Variants in GABRB1 observed in about 807,000 individuals in gnomAD.
GABRB1 encodes gamma-aminobutyric acid receptor subunit beta-1.
GABRB1 carries 17 observed loss-of-function variants against 51.6 expected under a neutral mutation model. The observed-to-expected ratio is 0.33, with a 90% confidence interval of 0.23 to 0.49. The LOEUF (loss-of-function observed/expected upper bound fraction) is 0.49, where lower values mean the gene tolerates loss of function less well. Ranked by LOEUF, GABRB1 falls within the 20% of genes least tolerant of loss-of-function variation. The pLI is 0.99. For missense variants in GABRB1, 410 were observed against 600.6 expected, an observed-to-expected ratio of 0.68 and a Z score of 3.32; for synonymous variants, 247 against 218.9, an observed-to-expected ratio of 1.13 and a Z score of -1.14.
intron 1 of GABRB1, among the ~76,000 whole-genome samples, chr4:46,997,390 T>C (rs891936706): frequency 2.6e-5 from 4 of 150,986 alleles, no homozygotes; most frequent in Non-Finnish European, 3.0e-5. Flanking sequence ...GGCCTCATGT[T>C]GTACATTAGA....
chr4:47,150,694 A>ATT (rs1201813914), intron 3 of GABRB1, among the ~76,000 whole-genome samples: 1 of 151,958 alleles, frequency 6.6e-6, no homozygotes, highest in Non-Finnish European at 1.5e-5. Context: ...AAAATACACA[A>ATT]AATTGCCTAC....
intron 3 of GABRB1, among the ~76,000 whole-genome samples, chr4:47,113,929 G>A (rs1284965315): frequency 6.6e-6 from 1 of 152,184 alleles, no homozygotes; most frequent in Non-Finnish European, 1.5e-5. Context: ...CTATAGTTGA[G>A]TAGGATCTAG....
chr4:47,042,396 TG>T (rs1725885754), intron 3 of GABRB1, among the ~76,000 whole-genome samples: 1 of 21,692 alleles, frequency 4.6e-5, no homozygotes, highest in African/African-American at 1.0e-4. Context: ...TATGTGTACA[TG>T]TATGTGTATG....
intron 3 of GABRB1, among the ~76,000 whole-genome samples, chr4:47,128,699 T>A (rs11728268): frequency 0.011 from 1,744 of 152,160 alleles, 20 homozygotes; most frequent in Non-Finnish European, 0.017. Flanking sequence ...TTGCCCCTTT[T>A]GAAATGTTTA....
intron 4 of GABRB1, among the ~76,000 whole-genome samples, chr4:47,273,758 G>A (rs187295615): frequency 1.3e-5 from 2 of 151,794 alleles, no homozygotes; most frequent in African/African-American, 2.4e-5. Context: ...ACAGATGAGG[G>A]CATCCCACCC....
chr4:47,109,657 C>T (rs995765859), intron 3 of GABRB1, among the ~76,000 whole-genome samples: 1 of 152,040 alleles, frequency 6.6e-6, no homozygotes, highest in Non-Finnish European at 1.5e-5. Flanking sequence ...TTAGAGGCTA[C>T]AGGGATGTCT....
intron 1 of GABRB1, among the ~76,000 whole-genome samples, chr4:46,997,891 C>T (rs981586808): frequency 1.3e-5 from 2 of 152,084 alleles, no homozygotes; most frequent in African/African-American, 4.8e-5. Context: ...AACATTAGAG[C>T]TCAGATATCT....
chr4:47,212,440 G>T (rs573762219), intron 4 of GABRB1, among the ~76,000 whole-genome samples: 1 of 152,288 alleles, frequency 6.6e-6, no homozygotes, highest in African/African-American at 2.4e-5. Context: ...ACTTTGGGAG[G>T]CTGAGGCCTT....
intron 7 of GABRB1, among the ~76,000 whole-genome samples, chr4:47,405,153 G>T (rs538260591): frequency 6.6e-6 from 1 of 152,222 alleles, no homozygotes; most frequent in South Asian, 2.1e-4. Flanking sequence ...AAATTTAAAG[G>T]TTTTTTCAAA....
intron 5 of GABRB1, among the ~76,000 whole-genome samples, chr4:47,325,434 C>A (rs371555133): frequency 1.8e-4 from 26 of 142,086 alleles, no homozygotes; most frequent in African/African-American, 1.8e-4. Context: ...GACTCCATCT[C>A]AAAAAAAAAA....
intron 5 of GABRB1, among the ~76,000 whole-genome samples, chr4:47,333,305 G>C (rs1725570329): frequency 6.7e-6 from 1 of 149,654 alleles, no homozygotes; most frequent in South Asian, 2.1e-4. Flanking sequence ...GGAAAGGGGA[G>C]TTATCTATAC....
intron 4 of GABRB1, among the ~76,000 whole-genome samples, chr4:47,239,292 T>A (rs989118574): frequency 7.2e-5 from 11 of 152,230 alleles, no homozygotes; most frequent in Admixed American, 1.3e-4. Flanking sequence ...CTGAATCAGT[T>A]GTTCATTTAT....
chr4:47,043,556 T>G (rs1725952717), intron 3 of GABRB1, among the ~76,000 whole-genome samples: 1 of 152,108 alleles, frequency 6.6e-6, no homozygotes, highest in Non-Finnish European at 1.5e-5. Flanking sequence ...GTCACTGTTC[T>G]GCTGTTCCAC....
intron 4 of GABRB1, among the ~76,000 whole-genome samples, chr4:47,167,162 T>C (rs1320100462): frequency 2.0e-5 from 3 of 152,126 alleles, no homozygotes; most frequent in African/African-American, 7.2e-5. Flanking sequence ...TGATTCACAA[T>C]AGTTGTCAGC....
chr4:47,167,249 C>T (rs1208541119), intron 4 of GABRB1, among the ~76,000 whole-genome samples: 1 of 152,056 alleles, frequency 6.6e-6, no homozygotes, highest in African/African-American at 2.4e-5. Flanking sequence ...ATGTATTCTG[C>T]CTCTTCTCCA....
chr4:47,262,871 T>A (rs988155315), intron 4 of GABRB1, among the ~76,000 whole-genome samples: 2 of 151,774 alleles, frequency 1.3e-5, no homozygotes, highest in African/African-American at 4.8e-5. Context: ...CCATAAAAAA[T>A]GATGAGTTCA....
intron 5 of GABRB1, among the ~76,000 whole-genome samples, chr4:47,387,452 A>T (rs1017627727): frequency 1.3e-5 from 2 of 152,218 alleles, no homozygotes; most frequent in African/African-American, 4.8e-5. Context: ...AGCCTGGGCC[A>T]CAGAGTGAGA....
At chr4:47,012,480 A>G (rs1411623493) in intron 1 of GABRB1, among the ~76,000 whole-genome samples, 1 of 152,202 alleles carries the variant, frequency 6.6e-6, no homozygotes, top group Admixed American at 6.5e-5. Context: ...CAGTTTGCTA[A>G]GGATAATGGT....
At chr4:47,340,688 A>T (rs140472743) in intron 5 of GABRB1, among the ~76,000 whole-genome samples, 45 of 152,218 alleles carry the variant, frequency 3.0e-4, no homozygotes, top group Middle Eastern at 3.4e-3. Context: ...TCTTAATGTC[A>T]TCACCTCAGG....
Sources: gnomAD v4.1 joint callset for allele counts (sites outside exome capture counted in the v4.1 genomes callset) on GRCh38, gnomAD v4.1.1 for gene constraint, MANE v1.5 for transcripts, NCBI Gene and HGNC (gene_info 2026-07-23, HGNC 2026-07-21) for gene names.